The following UBE2R2 variants were observed in gnomAD, a reference collection of about 807,000 sequenced individuals.
The protein encoded by UBE2R2 is ubiquitin-conjugating enzyme E2 R2.
A neutral mutation model predicts 27.8 loss-of-function variants in UBE2R2; 1 was observed. The observed-to-expected ratio is 0.04, with a 90% CI of 0.01 to 0.17. The LOEUF (loss-of-function observed/expected upper bound fraction) is 0.17, where lower values mean the gene tolerates loss of function less well. UBE2R2 is among the 10% of genes least tolerant of loss of function. UBE2R2 has a pLI of 1.00. For missense variants in UBE2R2, 100 were observed against 291.0 expected, an observed-to-expected ratio of 0.34 and a Z score of 4.78; for synonymous variants, 106 against 113.3, an observed-to-expected ratio of 0.94 and a Z score of 0.41.
intron 2 of UBE2R2, among the ~76,000 whole-genome samples, chr9:33,896,719 GT>G (rs1364202916): frequency 6.6e-6 from 1 of 151,694 alleles, no homozygotes; most frequent in Non-Finnish European, 1.5e-5. Flanking sequence ...AAGTCCTGGG[GT>G]TACAGGCGTG....
intron 1 of UBE2R2, among the ~76,000 whole-genome samples, chr9:33,818,172 G>T (rs2130698629): frequency 2.0e-5 from 3 of 152,206 alleles, no homozygotes; most frequent in Non-Finnish European, 4.4e-5. Context: ...CCGGGAAATC[G>T]GAGAGCCTCT....
At chr9:33,892,371 A>T (rs1247791259) in intron 2 of UBE2R2, among the ~76,000 whole-genome samples, 1 of 152,198 alleles carries the variant, frequency 6.6e-6, no homozygotes, top group Non-Finnish European at 1.5e-5. Flanking sequence ...TTCACTGTTC[A>T]TTAGTACCTA....
At chr9:33,825,541 A>G (rs1820297998) in intron 1 of UBE2R2, among the ~76,000 whole-genome samples, 3 of 152,138 alleles carry the variant, frequency 2.0e-5, no homozygotes, top group Admixed American at 1.3e-4. Flanking sequence ...ACACCTGTCC[A>G]AAAGCAAAGC....
intron 2 of UBE2R2, among the ~76,000 whole-genome samples, chr9:33,888,866 G>C (rs927669222): frequency 4.6e-5 from 7 of 152,142 alleles, no homozygotes; most frequent in African/African-American, 1.7e-4. Flanking sequence ...CTAGGGTCTT[G>C]AATTTGGAGT....
At chr9:33,898,117 G>A (rs889990043) in intron 2 of UBE2R2, among the ~76,000 whole-genome samples, 2 of 151,756 alleles carry the variant, frequency 1.3e-5, no homozygotes, top group South Asian at 2.1e-4. Context: ...ATGGAGTCTC[G>A]CTCTGCCGCC....
chr9:33,818,297 C>T (rs1825871636), intron 1 of UBE2R2, among the ~76,000 whole-genome samples: 1 of 148,910 alleles, frequency 6.7e-6, no homozygotes, highest in Non-Finnish European at 1.5e-5. Context: ...GGAACCCCTC[C>T]CTGCGCAGGC....
chr9:33,907,370 GC>G (rs1378889154), intron 3 of UBE2R2, among the ~76,000 whole-genome samples: 1 of 152,078 alleles, frequency 6.6e-6, no homozygotes, highest in African/African-American at 2.4e-5. Flanking sequence ...CCTCGCTGTG[GC>G]ATAAAGAGGG....
In UBE2R2 at chr9:33,869,222, T is replaced by C. The variant is rs550281407; in HGVS notation, c.178-17659T>C. Among the ~76,000 whole-genome samples the C allele has an allele frequency of 2.3e-3, 352 of 152,202 alleles. 1 individual carries two copies. Among genetic ancestry groups the C allele is most frequent in the Non-Finnish European group, 2.4e-3 (165 of 68,016 alleles). On this transcript the variant is annotated intron_variant, in intron 1 of 4. Coordinates refer to ENST00000263228, the MANE Select transcript of UBE2R2 (RefSeq NM_017811.4). The stretch of plus-strand genomic sequence containing the variant: ...AGGTCGAGGCTGCAGTGAGCCCAGA[T>C]TGTGCCACTGTACTCCCGCCAGGGC...
At chr9:33,911,200 G>C (rs562690110) in intron 3 of UBE2R2, among the ~76,000 whole-genome samples, 1 of 151,724 alleles carries the variant, frequency 6.6e-6, no homozygotes, top group Admixed American at 6.6e-5. Flanking sequence ...CCTGAGGTCA[G>C]GAGTTCAAGA....
intron 1 of UBE2R2, among the ~76,000 whole-genome samples, chr9:33,856,016 C>G (rs2130760097): frequency 6.6e-6 from 1 of 152,232 alleles, no homozygotes; most frequent in East Asian, 1.9e-4. Context: ...CGAGATTGTG[C>G]CACTGTACTC....
At chr9:33,819,344 G>C (rs1406778585) in intron 1 of UBE2R2, among the ~76,000 whole-genome samples, 1 of 152,120 alleles carries the variant, frequency 6.6e-6, no homozygotes, top group South Asian at 2.1e-4. Context: ...ATTGATACAG[G>C]AATGTTTAAT....
In UBE2R2 at chr9:33,917,462, T is replaced by TACCCTTCCATC. The variant is rs1304108654; in HGVS notation, c.*228_*238dup. On this transcript the variant is annotated 3_prime_UTR_variant, in exon 5 of 5. Transcript: ENST00000263228. Reference sequence around the variant, plus strand: ...AGAATGTCTGAATTCTTGCATTCTTTACCCTTCCATCACTATATTGATTCT... The same window carrying TACCCTTCCATC: ...AGAATGTCTGAATTCTTGCATTCTTTACCCTTCCATCACCCTTCCATCACTATATTGATTCT... The TACCCTTCCATC allele has an allele frequency of 3.2e-6, 2 of 633,346 alleles. No individual in the cohort carries two copies. The highest frequency in any genetic ancestry group is 5.3e-6 in the Non-Finnish European group (2 of 377,518). 39.2% of individuals were successfully genotyped at this position (633,346 alleles called of 1,614,324 possible).
intron 3 of UBE2R2, 127 bp downstream of exon 3, chr9:33,900,398 T>G (rs1169465446): frequency 1.6e-6 from 1 of 615,448 alleles, no homozygotes; most frequent in African/African-American, 1.9e-5. Flanking sequence ...TTTCTTTGTC[T>G]TTAGCTAGAG....
chr9:33,899,084 T>A (rs905567702), intron 2 of UBE2R2, among the ~76,000 whole-genome samples: 1 of 152,234 alleles, frequency 6.6e-6, no homozygotes, highest in Non-Finnish European at 1.5e-5. Flanking sequence ...TCTATCTGAG[T>A]AGATATTAAG....
chr9:33,910,850 C>T (rs1822467425), intron 3 of UBE2R2, among the ~76,000 whole-genome samples: 1 of 152,166 alleles, frequency 6.6e-6, no homozygotes. Context: ...TGCCTGTAAT[C>T]CCAGCACTTT....
At chr9:33,843,487 T>G (rs1820775059) in intron 1 of UBE2R2, among the ~76,000 whole-genome samples, 1 of 150,922 alleles carries the variant, frequency 6.6e-6, no homozygotes, top group Non-Finnish European at 1.5e-5. Context: ...ACTTTTTTGT[T>G]TTTTTTTTTG....
chr9:33,873,842 C>T (rs1821543099), intron 1 of UBE2R2, among the ~76,000 whole-genome samples: 1 of 152,054 alleles, frequency 6.6e-6, no homozygotes, highest in Non-Finnish European at 1.5e-5. Context: ...GGGGTTTCAC[C>T]ATGTTGTCCA....
At chr9:33,838,282 T>C (rs1357092409) in intron 1 of UBE2R2, among the ~76,000 whole-genome samples, 8 of 151,080 alleles carry the variant, frequency 5.3e-5, no homozygotes, top group Non-Finnish European at 8.8e-5. Flanking sequence ...TTTTCTTGTT[T>C]TTTTTTCGCT....
intron 1 of UBE2R2, among the ~76,000 whole-genome samples, chr9:33,885,770 A>G (rs1042601136): frequency 2.0e-5 from 3 of 152,166 alleles, no homozygotes; most frequent in African/African-American, 7.2e-5. Flanking sequence ...ATTTTCTGGA[A>G]TTCTGAAAAT....
Sources: allele counts gnomAD v4.1 joint callset (sites outside exome capture counted in the v4.1 genomes callset), GRCh38; gene constraint gnomAD v4.1.1; transcripts MANE v1.5; gene names NCBI Gene and HGNC (gene_info 2026-07-23, HGNC 2026-07-21).